Variants in ZPBP observed in about 807,000 individuals in gnomAD.
ZPBP encodes the protein zona pellucida binding protein, also known as zona pellucida-binding protein 1.
ZPBP carries 26 observed loss-of-function variants against 44.8 expected under a neutral mutation model. The ratio of observed to expected loss-of-function variants is 0.58; its 90% confidence interval spans 0.43 to 0.81. The LOEUF is 0.81. Ranked by LOEUF, ZPBP falls within the 30% of genes least tolerant of loss-of-function variation. ZPBP has a pLI of 0.00. For missense variants in ZPBP, 409 were observed against 434.0 expected, an observed-to-expected ratio of 0.94 and a Z score of 0.51; for synonymous variants, 174 against 153.2, an observed-to-expected ratio of 1.14 and a Z score of -1.00.
chr7:50,001,167 A>G (rs1798079642), intron 6 of ZPBP, among the ~76,000 whole-genome samples: 1 of 152,214 alleles, frequency 6.6e-6, no homozygotes, highest in Non-Finnish European at 1.5e-5. Context: ...TATAGCCTAC[A>G]GCAGCCCTAG....
intron 1 of ZPBP, 41 bp downstream of exon 1, chr7:50,093,027 G>C (rs775129652): frequency 1.3e-6 from 2 of 1,578,482 alleles, no homozygotes; most frequent in African/African-American, 1.4e-5. Context: ...GGGAAGCTGC[G>C]GTTGTCCCTG....
Position 50,093,186 on chromosome 7 carries a change from G to C in ZPBP, c.9C>G (p.Ala3=), listed in dbSNP as rs775366596. ME[A]FALGPARRGR... ...CCCGCCGCGCTGGGCCAAGGGCGAA[G>C]GCCTCCATCCACACGCCGCCGTCGC... Residue 3 remains alanine (A), a synonymous_variant, in exon 1 of 8, where the codon GCC becomes GCG. Coordinates refer to ENST00000046087, the MANE Select transcript of ZPBP (RefSeq NM_007009.3). 1 of 1,529,460 alleles carries C rather than the reference G, an allele frequency of 6.5e-7. No individual in the cohort carries two copies. Among genetic ancestry groups the C allele is most frequent in the Admixed American group, 2.0e-5 (1 of 49,314 alleles). 94.7% of individuals were successfully genotyped at this position (1,529,460 alleles called of 1,614,324 possible).
intron 3 of ZPBP, among the ~76,000 whole-genome samples, chr7:50,065,123 T>G (rs1385437372): frequency 1.3e-5 from 2 of 152,224 alleles, no homozygotes; most frequent in African/African-American, 4.8e-5. Flanking sequence ...TCTTTGATAT[T>G]TGTGTCTATT....
At chr7:49,938,831 G>A (rs1794728778) in intron 7 of ZPBP, among the ~76,000 whole-genome samples, 1 of 152,074 alleles carries the variant, frequency 6.6e-6, no homozygotes, top group Non-Finnish European at 1.5e-5. Context: ...ATGATTCAAT[G>A]ATACAAGTTA....
intron 7 of ZPBP, among the ~76,000 whole-genome samples, chr7:49,975,088 C>T (rs1267699201): frequency 1.3e-5 from 2 of 152,068 alleles, no homozygotes; most frequent in African/African-American, 4.8e-5. Flanking sequence ...TTTCAGTCTG[C>T]GAAACTCAGA....
At position 50,070,465 on chromosome 7, in the gene ZPBP, C is replaced by T. The variant is rs115709081; in HGVS notation, c.334+11309G>A. 4.6e-3 allele frequency among the ~76,000 whole-genome samples: 705 copies of T among 152,300 alleles called. 2 individuals are homozygous for T. The highest frequency in any genetic ancestry group is 0.016 in the African/African-American group (681 of 41,574). On this transcript the variant is annotated intron_variant, in intron 3 of 7. Transcript: ENST00000046087. ...GGACGCAGGAGAGCCAGTTTTCATC[C>T]GGGTGAAGCTCTCCCGTGGTGCGCC...
chr7:49,896,816 A>G (rs905432669), intron 2 of ZPBP, among the ~76,000 whole-genome samples: 2 of 152,118 alleles, frequency 1.3e-5, no homozygotes, highest in African/African-American at 4.8e-5. Flanking sequence ...AAAAAATGCA[A>G]ACTACCTCAA....
intron 6 of ZPBP, among the ~76,000 whole-genome samples, chr7:49,984,932 A>G (rs1797191331): frequency 6.6e-6 from 1 of 152,180 alleles, no homozygotes; most frequent in Non-Finnish European, 1.5e-5. Flanking sequence ...TAGCTAGGCC[A>G]CTGTGCATGT....
At chr7:49,853,611 C>T (rs1465710245) in intron 2 of ZPBP, among the ~76,000 whole-genome samples, 1 of 151,706 alleles carries the variant, frequency 6.6e-6, no homozygotes, top group African/African-American at 2.4e-5. Context: ...AGTATGTTTA[C>T]GAACATACTT....
chr7:49,967,888 C>A (rs987433826), intron 7 of ZPBP, among the ~76,000 whole-genome samples: 2 of 151,990 alleles, frequency 1.3e-5, no homozygotes, highest in African/African-American at 2.4e-5. Context: ...AGTGGATGGG[C>A]AGGAATTTTT....
intron 7 of ZPBP, among the ~76,000 whole-genome samples, chr7:49,960,790 A>G (rs1795836858): frequency 6.6e-6 from 1 of 152,196 alleles, no homozygotes; most frequent in African/African-American, 2.4e-5. Context: ...ACCACATGAG[A>G]TACCACAATA....
chr7:50,083,973 T>C (rs1802502082), intron 2 of ZPBP, among the ~76,000 whole-genome samples: 1 of 152,002 alleles, frequency 6.6e-6, no homozygotes, highest in African/African-American at 2.4e-5. Flanking sequence ...ATGGTAACAC[T>C]TTCTGTTTGA....
intron 5 of ZPBP, among the ~76,000 whole-genome samples, chr7:50,020,851 ACAGAATATAAGAAAAT>A (rs1799063014): frequency 6.6e-6 from 1 of 152,130 alleles, no homozygotes; most frequent in Admixed American, 6.6e-5. Flanking sequence ...TAACTTCAAC[ACAGAATATAAGAAAAT>A]CTCTGTCAAG....
chr7:50,033,528 A>C (rs1016062400), intron 4 of ZPBP, among the ~76,000 whole-genome samples: 1 of 152,100 alleles, frequency 6.6e-6, no homozygotes, highest in Non-Finnish European at 1.5e-5. Flanking sequence ...AAAAGAATTC[A>C]CTCAAGTACT....
At chr7:49,843,706 T>C in the ZPBP span, among the ~76,000 whole-genome samples, 1 of 152,202 alleles carries the variant, frequency 6.6e-6, no homozygotes, top group African/African-American at 2.4e-5. Flanking sequence ...AGCTGAGGTC[T>C]ATTAGAGACA....
chr7:49,892,347 G>A (rs1003092977), intron 2 of ZPBP, among the ~76,000 whole-genome samples: 7 of 152,080 alleles, frequency 4.6e-5, no homozygotes, highest in Admixed American at 4.6e-4. Flanking sequence ...CGCCCGGCCA[G>A]ACAAAGTAGA....
intron 6 of ZPBP, among the ~76,000 whole-genome samples, chr7:49,985,733 T>A (rs944091273): frequency 2.6e-5 from 4 of 151,200 alleles, no homozygotes; most frequent in Non-Finnish European, 5.9e-5. Flanking sequence ...CCCTGGAGAA[T>A]CCCCAACCCG....
rs368122357 is a variant in ZPBP, at chr7:49,953,923, T to TC, written c.962-16302dup. Among the ~76,000 whole-genome samples, 415 of 152,136 alleles carry TC rather than the reference T, an allele frequency of 2.7e-3. 3 individuals carry two copies. Among genetic ancestry groups the TC allele is most frequent in the African/African-American group, 9.8e-3 (405 of 41,514 alleles). On this transcript the variant is annotated intron_variant, in intron 7 of 7. Coordinates refer to ENST00000046087, the MANE Select transcript of ZPBP (RefSeq NM_007009.3). ...GATTCAATACAATCCCTGTCAACATTCCAACAGCTTTTATTGAAGAAATGG... is the reference window on the plus strand; with the variant it reads ...GATTCAATACAATCCCTGTCAACATTCCCAACAGCTTTTATTGAAGAAATGG...
chr7:49,933,998 C>G (rs1794543832), downstream of ZPBP, among the ~76,000 whole-genome samples: 1 of 149,050 alleles, frequency 6.7e-6, no homozygotes. Flanking sequence ...CACATGTATA[C>G]ATATGTAACA....
Sources: allele counts gnomAD v4.1 joint callset (sites outside exome capture counted in the v4.1 genomes callset), GRCh38; gene constraint gnomAD v4.1.1; transcripts MANE v1.5; gene names NCBI Gene and HGNC (gene_info 2026-07-23, HGNC 2026-07-21).